Variants in SCML2 observed in about 807,000 individuals in gnomAD.
SCML2 encodes the protein sex comb on midleg-like protein 2.
In SCML2, 6 loss-of-function variants were observed where a neutral mutation model predicts 48.4. That is an observed-to-expected ratio of 0.12 (90% CI 0.07 to 0.24). SCML2 has a LOEUF of 0.24. Ranked by LOEUF, SCML2 falls within the 10% of genes least tolerant of loss-of-function variation. The probability of loss-of-function intolerance (pLI) is 1.00; values close to 1 mark genes in which losing one functional copy is unlikely to be tolerated. For missense variants in SCML2, 377 were observed against 528.2 expected (o/e 0.71, Z 2.81); for synonymous variants, 181 against 189.5 (o/e 0.95, Z 0.37).
intron 11 of SCML2, among the ~76,000 whole-genome samples, chrX:18,248,152 A>C (rs1343039361): frequency 8.9e-6 from 1 of 112,215 alleles, no homozygotes; most frequent in Non-Finnish European, 1.9e-5. Context: ...CTCTCTAAAT[A>C]TCTCACAAGA....
chrX:18,293,850 T>C (rs139263421), intron 7 of SCML2, among the ~76,000 whole-genome samples: 26 of 112,472 alleles, frequency 2.3e-4, no homozygotes, highest in African/African-American at 7.1e-4. Context: ...AATGTCTTCA[T>C]TGTACTGAAA....
intron 6 of SCML2, among the ~76,000 whole-genome samples, chrX:18,317,129 A>G (rs941695592): frequency 8.9e-6 from 1 of 111,873 alleles, no homozygotes; most frequent in Non-Finnish European, 1.9e-5. Context: ...TGTGTTGCCC[A>G]GGCTGGTTTT....
Position 18,246,662 on chromosome X carries a change from G to A in SCML2, c.1737C>T (p.Gly579=). 1 of 1,209,811 alleles carries A rather than the reference G, an allele frequency of 8.3e-7. No homozygotes were observed. The highest frequency in any genetic ancestry group is 1.1e-6 in the Non-Finnish European group (1 of 893,636). ...VSQDFSRSVP[G]TTSSPLVGDI... is the part of the protein sequence containing the mutation. Reference sequence around the variant, plus strand: ...CCCCAACTAGTGGTGAACTTGTGGTGCCTGGCACACTTCGAGAAAAATCCT... The same window carrying A: ...CCCCAACTAGTGGTGAACTTGTGGTACCTGGCACACTTCGAGAAAAATCCT... Residue 579 remains glycine, a synonymous_variant, in exon 13 of 15, where the codon GGC becomes GGT. Transcript: ENST00000251900.
chrX:18,321,599 A>G (rs768467113), intron 5 of SCML2, among the ~76,000 whole-genome samples: 2,208 of 57,404 alleles, frequency 0.038, 23 homozygotes, highest in Middle Eastern at 0.078. Flanking sequence ...ACAATTGTTG[A>G]AAAAAAAAAA....
chrX:18,264,431 TTGTGTGTGTGTGTGTGTGTG>T (rs149069692), intron 8 of SCML2, among the ~76,000 whole-genome samples: 8 of 83,926 alleles, frequency 9.5e-5, no homozygotes, highest in South Asian at 7.3e-4. Flanking sequence ...ATCAGTACGA[TTGTGTGTGTGTGTGTGTGTG>T]TGTGTGTGTG....
At chrX:18,343,252 G>T (rs1356888129) in intron 1 of SCML2, among the ~76,000 whole-genome samples, 10 of 106,409 alleles carry the variant, frequency 9.4e-5, no homozygotes, top group Non-Finnish European at 1.5e-4. Flanking sequence ...GAAGAGTAGT[G>T]ATCTTCAGTA....
At chrX:18,301,198 G>C (rs922528199) in intron 7 of SCML2, among the ~76,000 whole-genome samples, 16 of 111,254 alleles carry the variant, frequency 1.4e-4, no homozygotes, top group Middle Eastern at 4.6e-3. Context: ...AGGAGTTCGA[G>C]ACCAGCCTGA....
intron 1 of SCML2, among the ~76,000 whole-genome samples, chrX:18,352,410 C>CA (rs1216825606): frequency 1.3e-4 from 15 of 111,484 alleles, no homozygotes; most frequent in Middle Eastern, 4.2e-3. Context: ...TAATCCTAAC[C>CA]AAAAAATCAC....
At chrX:18,301,643 C>T (rs1183442709) in intron 7 of SCML2, among the ~76,000 whole-genome samples, 4 of 110,489 alleles carry the variant, frequency 3.6e-5, no homozygotes, top group Admixed American at 9.7e-5. Flanking sequence ...GATGGTAACA[C>T]GTGCCTGTAG....
rs1408490422 is a variant in SCML2 at position 18,301,240 on chromosome X, T to C, written c.730+3732A>G. On this transcript the variant is annotated intron_variant, in intron 7 of 14. Transcript: ENST00000251900. ...TGGTGAAACCCCGTCTTTACTAAAA[T>C]TACAAAAATTAACTGAGCGTGATGG... Among the ~76,000 whole-genome samples, 4 of 109,599 alleles carry C rather than the reference T, an allele frequency of 3.6e-5. No individual in the cohort carries two copies. The Admixed American group carries it at 3.9e-4, about 11-fold the overall frequency.
At chrX:18,266,452 C>T (rs1037592507) in intron 7 of SCML2, among the ~76,000 whole-genome samples, 5 of 111,336 alleles carry the variant, frequency 4.5e-5, no homozygotes, top group Non-Finnish European at 7.5e-5. Context: ...TTCCTTGTAG[C>T]CCAATACAGT....
intron 6 of SCML2, among the ~76,000 whole-genome samples, chrX:18,313,006 T>C (rs200787849): frequency 0.22 from 20,716 of 95,344 alleles, 1,569 homozygotes; most frequent in Middle Eastern, 0.32. Flanking sequence ...TGTGTGTGTG[T>C]GCGCGTGTGT....
At chrX:18,297,701 T>C (rs999643925) in intron 7 of SCML2, among the ~76,000 whole-genome samples, 2 of 110,562 alleles carry the variant, frequency 1.8e-5, no homozygotes, top group South Asian at 3.9e-4. Flanking sequence ...ACATAAGAAA[T>C]AAAACACTGG....
intron 7 of SCML2, among the ~76,000 whole-genome samples, chrX:18,276,296 G>T (rs908437654): frequency 3.7e-5 from 2 of 53,369 alleles, no homozygotes; most frequent in Non-Finnish European, 7.3e-5. Flanking sequence ...TCAGTCTCAA[G>T]AAGAAAAAAA....
In SCML2 at chrX:18,240,702, C is replaced by A. The variant is rs1298516850; in HGVS notation, c.*549G>T. On this transcript the variant is annotated 3_prime_UTR_variant, in exon 15 of 15. Coordinates refer to ENST00000251900, the MANE Select transcript of SCML2 (RefSeq NM_006089.3). Reference sequence around the variant, plus strand: ...AGGAAAATAATTTATATGGCTATTCCCTTTCTAGATATACTGATAGAACAT... The same window carrying A: ...AGGAAAATAATTTATATGGCTATTCACTTTCTAGATATACTGATAGAACAT... 2 of 111,916 alleles carry A rather than the reference C, an allele frequency of 1.8e-5. No individual in the cohort carries two copies. The highest frequency in any genetic ancestry group is 3.8e-5 in the Non-Finnish European group (2 of 53,139). 9.2% of individuals were successfully genotyped at this position (111,916 alleles called of 1,213,427 possible). A position where few individuals can be genotyped will look rare whatever the true frequency, so the allele number is the denominator to read the frequency against.
chrX:18,338,857 T>C (rs763555363), intron 1 of SCML2, among the ~76,000 whole-genome samples: 2 of 105,299 alleles, frequency 1.9e-5, no homozygotes, highest in Non-Finnish European at 3.9e-5. Flanking sequence ...GAGGCTGCAG[T>C]GAGTCATGAT....
At chrX:18,339,837 T>C (rs369118905) in intron 1 of SCML2, among the ~76,000 whole-genome samples, 157 of 111,623 alleles carry the variant, frequency 1.4e-3, no homozygotes, top group African/African-American at 4.7e-3. Flanking sequence ...TTCATCATCA[T>C]TGAAAATAAA....
chrX:18,280,529 T>C (rs1374676860), intron 7 of SCML2, among the ~76,000 whole-genome samples: 1 of 111,676 alleles, frequency 9.0e-6, no homozygotes, highest in Non-Finnish European at 1.9e-5. Flanking sequence ...ACCTTGAATG[T>C]AAATGGGCTA....
At chrX:18,248,945 G>A (rs1346913837) in intron 11 of SCML2, among the ~76,000 whole-genome samples, 1 of 111,523 alleles carries the variant, frequency 9.0e-6, no homozygotes, top group South Asian at 3.8e-4. Flanking sequence ...TACTATCTGG[G>A]GCTGAAACAA....
Sources: gnomAD v4.1 joint callset for allele counts (sites outside exome capture counted in the v4.1 genomes callset) on GRCh38, gnomAD v4.1.1 for gene constraint, MANE v1.5 for transcripts, NCBI Gene and HGNC (gene_info 2026-07-23, HGNC 2026-07-21) for gene names.